Variants in SPMAP2L observed in about 807,000 individuals in gnomAD.
The protein encoded by SPMAP2L is sperm microtubule associated protein 2 like.
chr4:56,593,499 A>G, the SPMAP2L span: 1 of 1,599,926 alleles, frequency 6.3e-7, no homozygotes, highest in Non-Finnish European at 8.6e-7. Context: ...TCGTGGAGAG[A>G]GCTCATCAGA....
chr4:56,594,606 C>T, the SPMAP2L span: 1 of 1,504,020 alleles, frequency 6.6e-7, no homozygotes, highest in Non-Finnish European at 9.3e-7. Flanking sequence ...CTGAAATCAA[C>T]ACATGGGACC....
chr4:56,593,699 A>G, the SPMAP2L span: 81 of 1,597,532 alleles, frequency 5.1e-5, 1 homozygote, highest in South Asian at 8.7e-4. Flanking sequence ...GCCTGGAAGA[A>G]TGGTGGGGGC....
chr4:56,614,549 G>A, the SPMAP2L span, among the ~76,000 whole-genome samples: 2 of 152,124 alleles, frequency 1.3e-5, no homozygotes, highest in Non-Finnish European at 2.9e-5. Flanking sequence ...AGCTGCCCCA[G>A]AGGCTGAGGC....
chr4:56,555,805 C>G, the SPMAP2L span, among the ~76,000 whole-genome samples: 1 of 151,984 alleles, frequency 6.6e-6, no homozygotes, highest in African/African-American at 2.4e-5. Context: ...TATATTAATG[C>G]TGTATCTTGC....
the SPMAP2L span, chr4:56,596,543 C>T: frequency 6.5e-7 from 1 of 1,533,152 alleles, no homozygotes; most frequent in Non-Finnish European, 8.7e-7. Context: ...GCGATTGCAA[C>T]TCCAAGAATT....
the SPMAP2L span, among the ~76,000 whole-genome samples, chr4:56,574,576 G>C: frequency 7.2e-3 from 1,097 of 152,166 alleles, 16 homozygotes; most frequent in African/African-American, 0.025. Flanking sequence ...ATAATTCACC[G>C]TATAAAATAG....
the SPMAP2L span, among the ~76,000 whole-genome samples, chr4:56,533,656 A>G: frequency 6.6e-6 from 1 of 151,982 alleles, no homozygotes; most frequent in South Asian, 2.1e-4. Context: ...GCATACAAAC[A>G]TGTGCAATGG....
the SPMAP2L span, among the ~76,000 whole-genome samples, chr4:56,542,264 A>G: frequency 6.6e-6 from 1 of 152,196 alleles, no homozygotes; most frequent in African/African-American, 2.4e-5. Flanking sequence ...TGACTTTAAA[A>G]AGACCACAAC....
the SPMAP2L span, among the ~76,000 whole-genome samples, chr4:56,622,075 G>C: frequency 6.6e-6 from 1 of 152,144 alleles, no homozygotes; most frequent in Non-Finnish European, 1.5e-5. Context: ...AGAGAAATTG[G>C]GGGACAGGGT....
chr4:56,590,070 G>A, the SPMAP2L span, among the ~76,000 whole-genome samples: 2 of 152,154 alleles, frequency 1.3e-5, no homozygotes, highest in African/African-American at 4.8e-5. Context: ...GGAGTGGTGA[G>A]AGTGGGCATC....
chr4:56,612,317 T>C, the SPMAP2L span, among the ~76,000 whole-genome samples: 2 of 152,198 alleles, frequency 1.3e-5, no homozygotes, highest in Admixed American at 6.5e-5. Context: ...TGTTAATATA[T>C]ACTAAAACAT....
chr4:56,543,372 C>T, the SPMAP2L span, among the ~76,000 whole-genome samples: 4 of 152,076 alleles, frequency 2.6e-5, no homozygotes, highest in Non-Finnish European at 4.4e-5. Context: ...CGTGAGCCAC[C>T]GCGCCCAGCC....
At chr4:56,624,352 T>C in the SPMAP2L span, among the ~76,000 whole-genome samples, 3 of 152,324 alleles carry the variant, frequency 2.0e-5, no homozygotes, top group African/African-American at 7.2e-5. Context: ...TTGCAGCCTA[T>C]GATGCAGTAG....
the SPMAP2L span, chr4:56,596,546 C>T: frequency 7.2e-6 from 11 of 1,532,676 alleles, no homozygotes; most frequent in Non-Finnish European, 9.6e-6. Flanking sequence ...ATTGCAACTC[C>T]AAGAATTATA....
At chr4:56,562,880 A>G in the SPMAP2L span, among the ~76,000 whole-genome samples, 1 of 92,918 alleles carries the variant, frequency 1.1e-5, no homozygotes, top group African/African-American at 3.2e-5. Flanking sequence ...GTGCTTAAAA[A>G]TCTTTCTAAA....
chr4:56,558,049 A>G, the SPMAP2L span, among the ~76,000 whole-genome samples: 22 of 151,698 alleles, frequency 1.5e-4, no homozygotes, highest in South Asian at 4.2e-4. Context: ...GCTGACTGCA[A>G]TCTCCACCTC....
At chr4:56,593,954 G>C in the SPMAP2L span, 35,188 of 1,608,590 alleles carry the variant, frequency 0.022, 1,495 homozygotes, top group African/African-American at 0.17. Context: ...CCAGCATGAC[G>C]TGTTCTTTGA....
the SPMAP2L span, among the ~76,000 whole-genome samples, chr4:56,562,167 G>T: frequency 6.6e-6 from 1 of 152,098 alleles, no homozygotes; most frequent in Non-Finnish European, 1.5e-5. Context: ...GTAGATTAAA[G>T]TAATAACCAA....
chr4:56,625,448 G>A, the SPMAP2L span, among the ~76,000 whole-genome samples: 5 of 152,100 alleles, frequency 3.3e-5, no homozygotes, highest in East Asian at 1.9e-4. Flanking sequence ...GGCCAGGGGC[G>A]GAATGATATG....
Sources: allele counts gnomAD v4.1 joint callset (sites outside exome capture counted in the v4.1 genomes callset), GRCh38; gene constraint gnomAD v4.1.1; transcripts MANE v1.5; gene names NCBI Gene and HGNC (gene_info 2026-07-23, HGNC 2026-07-21).